Variants in FGF2 observed in about 807,000 individuals in gnomAD.
FGF2 encodes fibroblast growth factor 2.
Under a neutral mutation model 15.9 loss-of-function variants are expected in FGF2, and 13 were observed. The ratio of observed to expected loss-of-function variants is 0.82; its 90% CI spans 0.53 to 1.30. The LOEUF is 1.30. FGF2 is among the 50% of genes most tolerant of loss of function. The pLI, the probability that FGF2 is intolerant of heterozygous loss-of-function variation, is 0.00. For synonymous variants in FGF2, 90 were observed against 78.4 expected (o/e 1.15, Z -0.78); for missense variants, 163 against 196.9 (o/e 0.83, Z 1.03).
At chr4:122,864,997 T>G (rs747080136) in intron 1 of FGF2, among the ~76,000 whole-genome samples, 2 of 152,234 alleles carry the variant, frequency 1.3e-5, no homozygotes, top group African/African-American at 2.4e-5. Flanking sequence ...TTTATCTCAT[T>G]ATCCCCAAAT....
At chr4:122,878,006 C>T (rs1726891542) in intron 2 of FGF2, among the ~76,000 whole-genome samples, 1 of 152,126 alleles carries the variant, frequency 6.6e-6, no homozygotes, top group South Asian at 2.1e-4. Context: ...TTAGAATTCT[C>T]TTTAAGAATA....
At chr4:122,861,557 C>T (rs1359803180) in intron 1 of FGF2, among the ~76,000 whole-genome samples, 1 of 152,022 alleles carries the variant, frequency 6.6e-6, no homozygotes, top group Non-Finnish European at 1.5e-5. Context: ...GTGAATCCTG[C>T]TTCCTTCATG....
chr4:122,849,702 G>A (rs981580007), intron 1 of FGF2, among the ~76,000 whole-genome samples: 2 of 152,188 alleles, frequency 1.3e-5, no homozygotes, highest in Non-Finnish European at 2.9e-5. Context: ...GGGACTTCAT[G>A]TCTGTGATAT....
At chr4:122,856,825 GGT>G (rs1578463567) in intron 1 of FGF2, among the ~76,000 whole-genome samples, 1 of 152,104 alleles carries the variant, frequency 6.6e-6, no homozygotes, top group Admixed American at 6.5e-5. Flanking sequence ...TGATTCCTCA[GGT>G]TGCCCTTTTA....
intron 1 of FGF2, among the ~76,000 whole-genome samples, chr4:122,865,514 C>T (rs912223285): frequency 2.0e-5 from 3 of 152,108 alleles, no homozygotes; most frequent in African/African-American, 4.8e-5. Context: ...TGGCCTCGAA[C>T]TCCTGATCTC....
At chr4:122,844,571 T>TCC (rs1344813798) in intron 1 of FGF2, among the ~76,000 whole-genome samples, 1,398 of 127,736 alleles carry the variant, frequency 0.011, 13 homozygotes, top group Non-Finnish European at 0.015. Context: ...CTTTCTTTCT[T>TCC]TTTCTTTCTT....
At chr4:122,884,940 G>C (rs77313274) in intron 2 of FGF2, among the ~76,000 whole-genome samples, 1,523 of 152,234 alleles carry the variant, frequency 0.01, 31 homozygotes, top group African/African-American at 0.034. Context: ...TTATTTTACA[G>C]AGGAGGAAAG....
At chr4:122,848,240 G>T (rs770461345) in intron 1 of FGF2, among the ~76,000 whole-genome samples, 2 of 152,208 alleles carry the variant, frequency 1.3e-5, no homozygotes, top group Non-Finnish European at 2.9e-5. Flanking sequence ...AGACCCTAAG[G>T]AGTCTCCTTC....
At chr4:122,833,904 G>T (rs1725814907) in intron 1 of FGF2, among the ~76,000 whole-genome samples, 1 of 152,128 alleles carries the variant, frequency 6.6e-6, no homozygotes, top group Admixed American at 6.5e-5. Flanking sequence ...AGAGAAAGAT[G>T]AATCATTTTT....
rs1355881683 is a variant in FGF2, at chr4:122,876,480, T to C, written c.282+56T>C. ...TTGTTAGCTTTTATTGCTGTTAATT[T>C]ACCAGCATTGTTGTTTATCAAATCT... On this transcript the variant is annotated intron_variant, in intron 2 of 2. Transcript: ENST00000644866. 4 of 1,036,250 alleles carry C rather than the reference T, an allele frequency of 3.9e-6. No individual in the cohort carries two copies. The African/African-American group carries it at 4.7e-5, about 12-fold the overall frequency. 64.2% of individuals were successfully genotyped at this position (1,036,250 alleles called of 1,614,324 possible).
chr4:122,880,290 A>G (rs1430733675), intron 2 of FGF2, among the ~76,000 whole-genome samples: 1 of 136,806 alleles, frequency 7.3e-6, no homozygotes, highest in Non-Finnish European at 1.5e-5. Flanking sequence ...TCTGTTGCCC[A>G]GGCTGGAGTG....
At chr4:122,886,853 A>G (rs1419881331) in intron 2 of FGF2, among the ~76,000 whole-genome samples, 1 of 152,180 alleles carries the variant, frequency 6.6e-6, no homozygotes, top group Non-Finnish European at 1.5e-5. Context: ...TTATTAGAGA[A>G]TGGTATTAGA....
chr4:122,857,068 G>A (rs546861580), intron 1 of FGF2, among the ~76,000 whole-genome samples: 1 of 152,192 alleles, frequency 6.6e-6, no homozygotes, highest in Admixed American at 6.5e-5. Context: ...GTCAGTGTGG[G>A]GTCCTGAAAT....
intron 1 of FGF2, among the ~76,000 whole-genome samples, chr4:122,832,075 G>T (rs1343511150): frequency 6.6e-6 from 1 of 152,072 alleles, no homozygotes; most frequent in Non-Finnish European, 1.5e-5. Flanking sequence ...GTACAAGCTG[G>T]TAATTACACA....
chr4:122,852,852 C>T (rs111514377), intron 1 of FGF2, among the ~76,000 whole-genome samples: 8 of 152,268 alleles, frequency 5.3e-5, no homozygotes, highest in Admixed American at 2.0e-4. Flanking sequence ...ATAACCTTTC[C>T]AGTTATTAAT....
At chr4:122,863,329 T>C (rs1183922348) in intron 1 of FGF2, among the ~76,000 whole-genome samples, 1 of 152,246 alleles carries the variant, frequency 6.6e-6, no homozygotes, top group Non-Finnish European at 1.5e-5. Context: ...TTTCATGTCA[T>C]GTCTTCCTTC....
At chr4:122,874,045 T>A (rs539041491) in intron 1 of FGF2, among the ~76,000 whole-genome samples, 2 of 152,338 alleles carry the variant, frequency 1.3e-5, no homozygotes, top group South Asian at 2.1e-4. Context: ...ATTTATAAGA[T>A]GGTGGACCAG....
At chr4:122,890,175 C>T (rs1324168511) in intron 2 of FGF2, 3 of 151,996 alleles carry the variant, frequency 2.0e-5, no homozygotes, top group Non-Finnish European at 4.4e-5. Context: ...TCAGTTCACA[C>T]GAGAGGGGTA....
At chr4:122,837,006 C>G (rs1281081857) in intron 1 of FGF2, among the ~76,000 whole-genome samples, 2 of 152,194 alleles carry the variant, frequency 1.3e-5, no homozygotes, top group African/African-American at 4.8e-5. Flanking sequence ...TCAATCCTTA[C>G]GTCAGTGTGT....
Sources: allele counts gnomAD v4.1 joint callset (sites outside exome capture counted in the v4.1 genomes callset), GRCh38; gene constraint gnomAD v4.1.1; transcripts MANE v1.5; gene names NCBI Gene and HGNC (gene_info 2026-07-23, HGNC 2026-07-21).